Variants in SDK1 observed in about 807,000 individuals in gnomAD.
SDK1 encodes protein sidekick-1.
In SDK1, 157 loss-of-function variants were observed where a neutral mutation model predicts 245.5. The ratio of observed to expected loss-of-function variants is 0.64; its 90% CI spans 0.56 to 0.73. The LOEUF (loss-of-function observed/expected upper bound fraction) is 0.73, where lower values mean the gene tolerates loss of function less well. SDK1 is among the 30% of genes least tolerant of loss of function. The probability of loss-of-function intolerance (pLI) is 0.00; values close to 1 mark genes in which losing one functional copy is unlikely to be tolerated. For synonymous variants in SDK1, 1,647 were observed against 1,278.5 expected, an observed-to-expected ratio of 1.29 and a Z score of -6.15; for missense variants, 3,583 against 3,002.3, an observed-to-expected ratio of 1.19 and a Z score of -4.52.
chr7:3,609,053 C>T (rs569313858), intron 1 of SDK1, among the ~76,000 whole-genome samples: 2 of 152,096 alleles, frequency 1.3e-5, no homozygotes, highest in Non-Finnish European at 2.9e-5. Context: ...CAGTGCCACT[C>T]TTAAGAATTT....
intron 22 of SDK1, among the ~76,000 whole-genome samples, chr7:4,097,675 G>C (rs1782242725): frequency 6.6e-6 from 1 of 152,170 alleles, no homozygotes; most frequent in Non-Finnish European, 1.5e-5. Context: ...ATCACTTCAA[G>C]ATCTGGGGCT....
chr7:3,986,180 G>T (rs540934649), intron 13 of SDK1, among the ~76,000 whole-genome samples: 5 of 147,586 alleles, frequency 3.4e-5, no homozygotes, highest in Non-Finnish European at 6.0e-5. Flanking sequence ...TTTGTCACTG[G>T]TTAAGTCCCA....
chr7:3,706,707 C>CT (rs372549527), intron 4 of SDK1, among the ~76,000 whole-genome samples: 8 of 152,162 alleles, frequency 5.3e-5, no homozygotes, highest in African/African-American at 1.9e-4. Context: ...CGGCCAGCAA[C>CT]TTTTTTTTAA....
At chr7:4,204,402 A>G (rs1315076864) in intron 35 of SDK1, among the ~76,000 whole-genome samples, 2 of 152,192 alleles carry the variant, frequency 1.3e-5, no homozygotes, top group Admixed American at 1.3e-4. Flanking sequence ...TAACATTTCC[A>G]TTAACGGCAG....
intron 4 of SDK1, among the ~76,000 whole-genome samples, chr7:3,764,605 C>T (rs1231968935): frequency 6.6e-6 from 1 of 152,068 alleles, no homozygotes; most frequent in African/African-American, 2.4e-5. Context: ...TTGCTGGAAT[C>T]CGAGAAGCAG....
chr7:4,136,878 A>G (rs1312130898), intron 28 of SDK1, among the ~76,000 whole-genome samples: 1 of 152,228 alleles, frequency 6.6e-6, no homozygotes, highest in African/African-American at 2.4e-5. Flanking sequence ...TTTGATCCCC[A>G]GCCCTTGGAT....
At chr7:3,536,471 G>A (rs536028133) in intron 1 of SDK1, among the ~76,000 whole-genome samples, 3 of 152,118 alleles carry the variant, frequency 2.0e-5, no homozygotes, top group African/African-American at 4.8e-5. Flanking sequence ...TTGAGGCCAG[G>A]AGTTGAGACC....
At chr7:4,017,879 T>C (rs961780782) in intron 17 of SDK1, among the ~76,000 whole-genome samples, 7 of 152,136 alleles carry the variant, frequency 4.6e-5, no homozygotes, top group African/African-American at 1.7e-4. Context: ...CCTGGAAAAA[T>C]TGACCAGACA....
intron 4 of SDK1, among the ~76,000 whole-genome samples, chr7:3,717,431 A>G (rs941678242): frequency 6.6e-6 from 1 of 152,220 alleles, no homozygotes; most frequent in Non-Finnish European, 1.5e-5. Flanking sequence ...GGCAGATGCA[A>G]CTAAGGGCAT....
At chr7:3,923,887 G>C (rs935218084) in intron 5 of SDK1, among the ~76,000 whole-genome samples, 17 of 152,162 alleles carry the variant, frequency 1.1e-4, no homozygotes, top group Non-Finnish European at 2.1e-4. Flanking sequence ...TCTTTTGCGG[G>C]TGGGGAATTT....
chr7:3,930,725 G>A (rs1454732280), intron 5 of SDK1, among the ~76,000 whole-genome samples: 2 of 152,098 alleles, frequency 1.3e-5, no homozygotes, highest in African/African-American at 2.4e-5. Flanking sequence ...ACTGGGAGGC[G>A]GAGGTTGCAG....
chr7:3,518,371 C>T (rs1363658701), intron 1 of SDK1, among the ~76,000 whole-genome samples: 1 of 151,258 alleles, frequency 6.6e-6, no homozygotes, highest in Non-Finnish European at 1.5e-5. Flanking sequence ...TTCTGCACAG[C>T]AAAGGAAACA....
At chr7:3,398,020 A>T (rs540664221) in intron 1 of SDK1, among the ~76,000 whole-genome samples, 12 of 152,124 alleles carry the variant, frequency 7.9e-5, no homozygotes, top group Middle Eastern at 3.2e-3. Context: ...GAGTAGCAGG[A>T]ACTGAAGTAG....
intron 5 of SDK1, among the ~76,000 whole-genome samples, chr7:3,914,472 C>T (rs776615036): frequency 6.6e-6 from 1 of 152,194 alleles, no homozygotes; most frequent in African/African-American, 2.4e-5. Flanking sequence ...AGATTAACGG[C>T]TTAGAGGGTT....
chr7:3,383,508 C>G (rs770425505), intron 1 of SDK1, among the ~76,000 whole-genome samples: 1 of 152,104 alleles, frequency 6.6e-6, no homozygotes, highest in Non-Finnish European at 1.5e-5. Context: ...CTCTTTTTGG[C>G]CTCCATGTAA....
intron 1 of SDK1, among the ~76,000 whole-genome samples, chr7:3,535,423 CCAA>C (rs1562546507): frequency 6.6e-6 from 1 of 152,124 alleles, no homozygotes; most frequent in Non-Finnish European, 1.5e-5. Flanking sequence ...ATCCCTAATG[CCAA>C]CAACATCTGA....
intron 1 of SDK1, among the ~76,000 whole-genome samples, chr7:3,544,429 T>G (rs116317131): frequency 3.2e-3 from 492 of 152,370 alleles, no homozygotes; most frequent in African/African-American, 0.011. Context: ...AGTCTGATGA[T>G]GTGGCCTGGG....
intron 1 of SDK1, among the ~76,000 whole-genome samples, chr7:3,421,421 C>T (rs1195112017): frequency 6.6e-6 from 1 of 152,080 alleles, no homozygotes; most frequent in Non-Finnish European, 1.5e-5. Flanking sequence ...TCATTTGTCA[C>T]TAAATAATTA....
intron 4 of SDK1, among the ~76,000 whole-genome samples, chr7:3,745,981 C>G (rs1412120846): frequency 6.6e-6 from 1 of 152,204 alleles, no homozygotes; most frequent in African/African-American, 2.4e-5. Context: ...TGGGAAATCA[C>G]TTAACCTCTC....
Sources: gnomAD v4.1 joint callset for allele counts (sites outside exome capture counted in the v4.1 genomes callset) on GRCh38, gnomAD v4.1.1 for gene constraint, MANE v1.5 for transcripts, NCBI Gene and HGNC (gene_info 2026-07-23, HGNC 2026-07-21) for gene names.